The following FARP1 variants were observed in gnomAD, a reference collection of about 807,000 sequenced individuals.
The protein encoded by FARP1 is FERM, ARH/RhoGEF and pleckstrin domain protein 1, also known as FERM, ARHGEF and pleckstrin domain-containing protein 1.
In FARP1, 52 loss-of-function variants were observed where a neutral mutation model predicts 128.8. The ratio of observed to expected loss-of-function variants is 0.40; its 90% CI spans 0.32 to 0.51. The LOEUF is 0.51. Ranked by LOEUF, FARP1 falls within the 20% of genes least tolerant of loss-of-function variation. FARP1 has a pLI of 0.45. For missense variants in FARP1, 1,333 were observed against 1,367.9 expected (o/e 0.97, Z 0.40); for synonymous variants, 580 against 551.8 (o/e 1.05, Z -0.72).
At chr13:98,338,544 T>C (rs1274105585) in intron 2 of FARP1, 2 of 152,246 alleles carry the variant, frequency 1.3e-5, no homozygotes, top group Non-Finnish European at 2.9e-5. Flanking sequence ...GTCCTCCTCA[T>C]ACTGTTTATC....
intron 1 of FARP1, among the ~76,000 whole-genome samples, chr13:98,156,396 C>T (rs9556889): frequency 0.16 from 23,827 of 152,208 alleles, 2,363 homozygotes; most frequent in Middle Eastern, 0.26. Flanking sequence ...CTTAGTCACA[C>T]AGCTTCTTTC....
chr13:98,358,190 C>T (rs912728375), intron 3 of FARP1, among the ~76,000 whole-genome samples: 4 of 151,464 alleles, frequency 2.6e-5, no homozygotes, highest in African/African-American at 9.7e-5. Flanking sequence ...CCTGTGAACT[C>T]GCATCCCTTT....
At chr13:98,418,680 G>A (rs1380009056) in intron 16 of FARP1, among the ~76,000 whole-genome samples, 4 of 152,198 alleles carry the variant, frequency 2.6e-5, no homozygotes, top group Admixed American at 6.5e-5. Context: ...GTTTCCCTGA[G>A]ACGAGTGAAA....
intron 2 of FARP1, among the ~76,000 whole-genome samples, chr13:98,264,465 A>G (rs1884010498): frequency 6.6e-6 from 1 of 152,102 alleles, no homozygotes; most frequent in Non-Finnish European, 1.5e-5. Context: ...GTCACTCAGG[A>G]GCTGCCTTGG....
chr13:98,405,983 A>G (rs1358641284), intron 13 of FARP1: 1 of 152,208 alleles, frequency 6.6e-6, no homozygotes, highest in African/African-American at 2.4e-5. Context: ...TTACCTAACA[A>G]CAGAACCATG....
chr13:98,377,558 A>T (rs1889646747), intron 5 of FARP1, among the ~76,000 whole-genome samples: 1 of 152,188 alleles, frequency 6.6e-6, no homozygotes, highest in Non-Finnish European at 1.5e-5. Flanking sequence ...ATGCTAGGTT[A>T]TGGTCTCACA....
At chr13:98,145,900 A>G (rs932472802) in intron 1 of FARP1, among the ~76,000 whole-genome samples, 1 of 116,750 alleles carries the variant, frequency 8.6e-6, no homozygotes, top group African/African-American at 2.8e-5. Context: ...GAACTGCCCA[A>G]GGAAATTGTT....
At chr13:98,152,216 G>A (rs1196474755) in intron 1 of FARP1, among the ~76,000 whole-genome samples, 1 of 152,168 alleles carries the variant, frequency 6.6e-6, no homozygotes, top group Non-Finnish European at 1.5e-5. Flanking sequence ...ACTTGGGCTT[G>A]TTGGCCATGG....
At chr13:98,391,083 G>T (rs1380819195) in intron 11 of FARP1, among the ~76,000 whole-genome samples, 6 of 152,136 alleles carry the variant, frequency 3.9e-5, no homozygotes, top group Non-Finnish European at 5.9e-5. Context: ...AGAGTGAGAT[G>T]AGAACAGACA....
rs867846493 is a variant in FARP1, at chr13:98,213,551, C to A, written c.171+138C>A. 1.6e-5 allele frequency: 14 copies of A among 849,080 alleles called. No individual in the cohort carries two copies. The Admixed American group carries it at 2.5e-4, about 15-fold the overall frequency. 52.6% of individuals were successfully genotyped at this position (849,080 alleles called of 1,614,324 possible). A position where few individuals can be genotyped will look rare whatever the true frequency, so the allele number is the denominator to read the frequency against. Reference sequence around the variant, plus strand: ...TGTTCAGCACCTCCCTCCCCGCCCCCCAATGGCCCCGCTGACCCGTTCTGG... The same window carrying A: ...TGTTCAGCACCTCCCTCCCCGCCCCACAATGGCCCCGCTGACCCGTTCTGG... On this transcript the variant is annotated intron_variant, in intron 2 of 26. Coordinates refer to ENST00000319562, the MANE Select transcript of FARP1 (RefSeq NM_005766.4).
Position 98,301,965 on chromosome 13 carries a change from ATT to A in FARP1, c.172-41788_172-41787del, listed in dbSNP as rs34808723. On this transcript the variant is annotated intron_variant, in intron 2 of 26. Coordinates refer to ENST00000319562, the MANE Select transcript of FARP1 (RefSeq NM_005766.4). ...TCTGTCGACTTTAAAATTCATGATC[ATT>A]TTTTTTTTCCCCTAAGGAAACCTGA... 1.7e-4 allele frequency among the ~76,000 whole-genome samples: 26 copies of A among 151,318 alleles called. No individual in the cohort carries two copies. In the South Asian group the frequency reaches 3.4e-3, roughly 20 times the overall value.
At chr13:98,162,524 T>G (rs1876958822) in intron 1 of FARP1, among the ~76,000 whole-genome samples, 1 of 152,196 alleles carries the variant, frequency 6.6e-6, no homozygotes, top group South Asian at 2.1e-4. Context: ...AAACTTACCT[T>G]GAACCTCTCA....
chr13:98,181,715 A>G (rs1357302904), intron 1 of FARP1, among the ~76,000 whole-genome samples: 1 of 150,908 alleles, frequency 6.6e-6, no homozygotes, highest in Admixed American at 6.6e-5. Context: ...TGTAACCTCA[A>G]ACTCCTAGGC....
chr13:98,448,105 T>C lies in FARP1; in HGVS notation c.3057-131T>C, dbSNP rs1003582421. The C allele has an allele frequency of 6.7e-6, 5 of 742,172 alleles. No individual in the cohort carries two copies. In the African/African-American group the frequency reaches 6.9e-5, roughly 10 times the overall value. The allele number at this position is 742,172 out of a possible 1,614,324, so 46.0% of individuals were successfully genotyped here. On this transcript the variant is annotated intron_variant, in intron 26 of 26. Transcript: ENST00000319562. Reference sequence around the variant, plus strand: ...GCCTGGGTGCTGGCTGTTCCCTTGCTCTTCTGCTGAAGTGGCAGATTACCA... The same window carrying C: ...GCCTGGGTGCTGGCTGTTCCCTTGCCCTTCTGCTGAAGTGGCAGATTACCA...
intron 1 of FARP1, among the ~76,000 whole-genome samples, chr13:98,206,691 A>C (rs1880291833): frequency 6.6e-6 from 1 of 152,210 alleles, no homozygotes; most frequent in South Asian, 2.1e-4. Context: ...CAGGATACTA[A>C]GACAAGACAA....
At chr13:98,302,530 C>G (rs189597974) in intron 2 of FARP1, among the ~76,000 whole-genome samples, 31 of 152,332 alleles carry the variant, frequency 2.0e-4, no homozygotes, top group Admixed American at 1.8e-3. Flanking sequence ...CTGCAGCCCT[C>G]TCTCCTAGCA....
chr13:98,390,651 A>G (rs1484828048), intron 10 of FARP1, 161 bp from the exon 11 acceptor site: 6 of 575,444 alleles, frequency 1.0e-5, no homozygotes, highest in Admixed American at 6.4e-5. Context: ...ACCCAAAAAT[A>G]CAGAGTCTGT....
chr13:98,302,156 A>C (rs751386589), intron 2 of FARP1, among the ~76,000 whole-genome samples: 3 of 152,194 alleles, frequency 2.0e-5, no homozygotes, highest in Non-Finnish European at 2.9e-5. Context: ...AGCAGGGGCC[A>C]CCAAGTTAGC....
chr13:98,321,558 A>G (rs1478574475), intron 2 of FARP1, among the ~76,000 whole-genome samples: 3 of 152,224 alleles, frequency 2.0e-5, no homozygotes, highest in Non-Finnish European at 4.4e-5. Flanking sequence ...ACCAGAAGAC[A>G]TTCCAGGGGG....
Sources: allele counts gnomAD v4.1 joint callset (sites outside exome capture counted in the v4.1 genomes callset), GRCh38; gene constraint gnomAD v4.1.1; transcripts MANE v1.5; gene names NCBI Gene and HGNC (gene_info 2026-07-23, HGNC 2026-07-21).